Variants in DLGAP1 observed in about 807,000 individuals in gnomAD.
The protein encoded by DLGAP1 is disks large-associated protein 1.
In DLGAP1, 11 loss-of-function variants were observed where a neutral mutation model predicts 90.8. The ratio of observed to expected loss-of-function variants is 0.12; its 90% CI spans 0.08 to 0.20. The LOEUF (loss-of-function observed/expected upper bound fraction) is 0.20. Among genes scored for constraint, DLGAP1 ranks in the 10% least tolerant of loss-of-function variants. DLGAP1 has a pLI of 1.00. For synonymous variants in DLGAP1, 558 were observed against 540.7 expected (o/e 1.03, Z -0.44); for missense variants, 1,050 against 1,333.8 (o/e 0.79, Z 3.31).
intron 3 of DLGAP1, among the ~76,000 whole-genome samples, chr18:3,962,912 T>C (rs563163789): frequency 6.6e-6 from 1 of 152,354 alleles, no homozygotes; most frequent in Non-Finnish European, 1.5e-5. Flanking sequence ...GAGTTAGTTC[T>C]TCAGTTTGTT....
rs60740209 is a variant in DLGAP1, at chr18:3,540,469, CAAAAAAAA to C, written c.2058-5862_2058-5855del. Among the ~76,000 whole-genome samples, 363 of 58,028 alleles carry C rather than the reference CAAAAAAAA, an allele frequency of 6.3e-3. 6 individuals carry two copies. The highest frequency in any genetic ancestry group is 0.022 in the African/African-American group (328 of 14,822). 38.1% of individuals were successfully genotyped at this position (58,028 alleles called of 152,430 possible). On this transcript the variant is annotated intron_variant, in intron 9 of 12. Transcript: ENST00000315677. ...TGGGCAACAGAGTGAGGCCCTGTGT[CAAAAAAAA>C]AAAAAAAAAAAAAAAAAAAAATTCA...
intron 3 of DLGAP1, among the ~76,000 whole-genome samples, chr18:3,951,284 T>C (rs573026679): frequency 2.0e-5 from 3 of 152,352 alleles, no homozygotes; most frequent in South Asian, 4.1e-4. Flanking sequence ...TACAAACACA[T>C]ACATCAAAAT....
intron 2 of DLGAP1, among the ~76,000 whole-genome samples, chr18:4,109,898 T>C (rs1452249944): frequency 6.6e-6 from 1 of 151,610 alleles, no homozygotes; most frequent in Admixed American, 6.6e-5. Context: ...TGTTTATTTG[T>C]TTTTTGTGGG....
chr18:3,860,171 T>C (rs1248563136), intron 4 of DLGAP1, among the ~76,000 whole-genome samples: 1 of 152,158 alleles, frequency 6.6e-6, no homozygotes, highest in Non-Finnish European at 1.5e-5. Flanking sequence ...ATTGCAGCCA[T>C]AGGAAGTTAA....
At chr18:3,641,313 C>T (rs991162647) in intron 7 of DLGAP1, among the ~76,000 whole-genome samples, 2 of 151,674 alleles carry the variant, frequency 1.3e-5, no homozygotes, top group Non-Finnish European at 2.9e-5. Context: ...TTTGGGAGGC[C>T]AAGGCAGGCG....
intron 2 of DLGAP1, among the ~76,000 whole-genome samples, chr18:4,122,639 T>A (rs2076170999): frequency 6.6e-6 from 1 of 152,152 alleles, no homozygotes; most frequent in Non-Finnish European, 1.5e-5. Context: ...AGTTAAATGA[T>A]GATTGATTAG....
intron 1 of DLGAP1, among the ~76,000 whole-genome samples, chr18:4,444,937 CTAGT>C (rs2083624144): frequency 6.6e-6 from 1 of 152,156 alleles, no homozygotes; most frequent in South Asian, 2.1e-4. Context: ...AGTCGTCTAG[CTAGT>C]TAGATGAATC....
At chr18:4,400,328 T>A (rs2082528429) in intron 1 of DLGAP1, among the ~76,000 whole-genome samples, 1 of 152,220 alleles carries the variant, frequency 6.6e-6, no homozygotes, top group Admixed American at 6.5e-5. Context: ...GTGAAAACAT[T>A]CAAGTTTTGA....
intron 6 of DLGAP1, among the ~76,000 whole-genome samples, chr18:3,741,017 TCAC>T (rs1304279132): frequency 1.6e-3 from 58 of 36,192 alleles, no homozygotes; most frequent in South Asian, 8.6e-3. Flanking sequence ...ACCACCACCA[TCAC>T]CACCACCACC....
chr18:3,617,460 C>T lies in DLGAP1; in HGVS notation c.1592-35212G>A, dbSNP rs181342118. On this transcript the variant is annotated intron_variant, in intron 7 of 12. Transcript: ENST00000315677. Reference sequence around the variant, plus strand: ...GTAAAAATATAAAAAATTAGCTGGGCGTGGTGGTGGGCGCCTGTAATCCCA... The same window carrying T: ...GTAAAAATATAAAAAATTAGCTGGGTGTGGTGGTGGGCGCCTGTAATCCCA... Among the ~76,000 whole-genome samples the T allele has an allele frequency of 4.3e-3, 656 of 151,554 alleles. 6 individuals are homozygous for T. The highest frequency in any genetic ancestry group is 0.015 in the African/African-American group (612 of 41,328).
intron 7 of DLGAP1, among the ~76,000 whole-genome samples, chr18:3,634,316 T>C (rs1187050986): frequency 6.6e-6 from 1 of 152,194 alleles, no homozygotes. Flanking sequence ...AATGTTTTAT[T>C]TATAATCTAC....
At chr18:4,015,910 G>A (rs1568353322) in intron 2 of DLGAP1, among the ~76,000 whole-genome samples, 1 of 152,126 alleles carries the variant, frequency 6.6e-6, no homozygotes, top group Non-Finnish European at 1.5e-5. Flanking sequence ...CAAATTCTTT[G>A]TGGAACAAAT....
intron 1 of DLGAP1, among the ~76,000 whole-genome samples, chr18:4,320,824 G>A (rs984644500): frequency 6.6e-6 from 1 of 151,846 alleles, no homozygotes; most frequent in Non-Finnish European, 1.5e-5. Context: ...ATTCTGAGAC[G>A]TTTAATGAAA....
At chr18:4,167,977 T>C (rs1170685367) in intron 1 of DLGAP1, among the ~76,000 whole-genome samples, 1 of 152,166 alleles carries the variant, frequency 6.6e-6, no homozygotes, top group Admixed American at 6.5e-5. Context: ...CATTCATGGA[T>C]TGGAAGACTC....
At position 3,711,045 on chromosome 18, in the gene DLGAP1, A is replaced by G. The variant is rs1244166732; in HGVS notation, c.1591+18090T>C. On this transcript the variant is annotated intron_variant, in intron 7 of 12. Transcript: ENST00000315677. This position sits in a 1 kb window ranked among gnomAD's most constrained non-coding sequence, Gnocchi z 4.0. The stretch of plus-strand genomic sequence containing the variant: ...AGAAGAAGGCCAGTGCGTCTGCAAC[A>G]GAAGAGTCCAGAAACACGACAGAGG... Among the ~76,000 whole-genome samples, 1 of 152,224 alleles carries G rather than the reference A, an allele frequency of 6.6e-6. No individual in the cohort carries two copies. Among genetic ancestry groups the G allele is most frequent in the African/African-American group, 2.4e-5 (1 of 41,456 alleles).
At chr18:3,532,965 CT>C (rs1436014150) in intron 10 of DLGAP1, among the ~76,000 whole-genome samples, 3 of 151,946 alleles carry the variant, frequency 2.0e-5, no homozygotes, top group Non-Finnish European at 4.4e-5. Flanking sequence ...GTTAATTTTT[CT>C]TTTTCAAATG....
At chr18:3,552,807 C>T (rs541224606) in intron 9 of DLGAP1, among the ~76,000 whole-genome samples, 3 of 152,150 alleles carry the variant, frequency 2.0e-5, no homozygotes, top group African/African-American at 4.8e-5. Context: ...GCTTTCAGAG[C>T]GCCCAATGCC....
chr18:4,440,317 A>G (rs1315260559), intron 1 of DLGAP1, among the ~76,000 whole-genome samples: 1 of 152,100 alleles, frequency 6.6e-6, no homozygotes, highest in African/African-American at 2.4e-5. Context: ...TCAATTATAG[A>G]ATGACTAATA....
At chr18:4,062,224 C>T (rs4327146) in intron 2 of DLGAP1, among the ~76,000 whole-genome samples, 60,002 of 152,038 alleles carry the variant, frequency 0.39, 12,863 homozygotes, top group Non-Finnish European at 0.49. Flanking sequence ...TTTGCCTAAG[C>T]GCAGTAAGAA....
Sources: allele counts gnomAD v4.1 joint callset (sites outside exome capture counted in the v4.1 genomes callset), GRCh38; gene constraint gnomAD v4.1.1; non-coding constraint Gnocchi (gnomAD v3.1); transcripts MANE v1.5; gene names NCBI Gene and HGNC (gene_info 2026-07-23, HGNC 2026-07-21).